KCNMA1: variants seen among roughly 807,000 people sequenced by gnomAD.
KCNMA1 encodes the protein Calcium-activated potassium channel subunit alpha-1.
Under a neutral mutation model 140.0 loss-of-function variants are expected in KCNMA1, and 29 were observed. The observed-to-expected ratio is 0.21, with a 90% confidence interval of 0.15 to 0.28. The LOEUF is 0.28. Among genes scored for constraint, KCNMA1 ranks in the 10% least tolerant of loss-of-function variants. The pLI is 1.00. For synonymous variants in KCNMA1, 612 were observed against 611.9 expected (o/e 1.00, Z 0.00); for missense variants, 880 against 1,602.2 (o/e 0.55, Z 7.70).
intron 2 of KCNMA1, among the ~76,000 whole-genome samples, chr10:77,288,028 A>T (rs1176386591): frequency 3.3e-5 from 5 of 152,256 alleles, no homozygotes; most frequent in Non-Finnish European, 7.3e-5. Context: ...GTTGGCAAAC[A>T]AAAAGCTCTG....
chr10:77,366,726 G>A (rs577661110), intron 2 of KCNMA1, among the ~76,000 whole-genome samples: 1 of 152,302 alleles, frequency 6.6e-6, no homozygotes, highest in Non-Finnish European at 1.5e-5. Flanking sequence ...ACACACACAT[G>A]TTCTTTACAA....
chr10:77,609,050 A>G (rs1009197624), intron 1 of KCNMA1, among the ~76,000 whole-genome samples: 3 of 152,220 alleles, frequency 2.0e-5, no homozygotes, highest in Non-Finnish European at 4.4e-5. Context: ...CCTCAGAAAA[A>G]TCAAAAATAG....
intron 20 of KCNMA1, among the ~76,000 whole-genome samples, chr10:76,964,075 C>G (rs2072865786): frequency 6.6e-6 from 1 of 151,910 alleles, no homozygotes; most frequent in Admixed American, 6.6e-5. Context: ...TGGCTCCTGC[C>G]TTAACACATC....
At chr10:76,935,579 T>A (rs375811815) in intron 23 of KCNMA1, among the ~76,000 whole-genome samples, 1 of 152,110 alleles carries the variant, frequency 6.6e-6, no homozygotes, top group Admixed American at 6.6e-5. Flanking sequence ...TTAAATAAGA[T>A]ATTACATAGG....
chr10:77,616,775 C>A (rs2089681040), intron 1 of KCNMA1, among the ~76,000 whole-genome samples: 1 of 150,992 alleles, frequency 6.6e-6, no homozygotes, highest in African/African-American at 2.4e-5. Context: ...CACTGCACTC[C>A]AGTCTGGGCA....
intron 19 of KCNMA1, among the ~76,000 whole-genome samples, chr10:76,996,446 A>C (rs1593104333): frequency 6.6e-6 from 1 of 152,140 alleles, no homozygotes; most frequent in Admixed American, 6.5e-5. Context: ...ACAGGGGATG[A>C]CCCAGTGGCT....
intron 25 of KCNMA1, chr10:76,902,331 G>A (rs2045837495): frequency 6.6e-6 from 1 of 152,226 alleles, no homozygotes; most frequent in Non-Finnish European, 1.5e-5. Flanking sequence ...TCATGTAGGT[G>A]AGATCCTTTG....
At chr10:76,879,958 T>C (rs1478212390), downstream of KCNMA1, among the ~76,000 whole-genome samples, 1 of 152,138 alleles carries the variant, frequency 6.6e-6, no homozygotes, top group Non-Finnish European at 1.5e-5. Context: ...TTGAGCCTGG[T>C]GTTTGTGCTC....
chr10:77,094,161 T>C (rs1388445925), intron 9 of KCNMA1, among the ~76,000 whole-genome samples: 1 of 152,196 alleles, frequency 6.6e-6, no homozygotes, highest in Admixed American at 6.5e-5. Flanking sequence ...AAGTATTCTG[T>C]GGCCTATGCA....
intron 19 of KCNMA1, among the ~76,000 whole-genome samples, chr10:76,981,304 G>A (rs537830363): frequency 9.9e-4 from 150 of 152,074 alleles, no homozygotes; most frequent in Admixed American, 2.2e-3. Flanking sequence ...CCCCAATGAA[G>A]TGCTCAAGTC....
intron 10 of KCNMA1, among the ~76,000 whole-genome samples, chr10:77,087,746 C>T (rs913667613): frequency 5.9e-5 from 9 of 152,086 alleles, no homozygotes; most frequent in East Asian, 3.9e-4. Flanking sequence ...AAAAGACTGT[C>T]GATAAGGTAC....
At position 76,893,381 on chromosome 10, in the gene KCNMA1, G is replaced by A. The variant is rs79612316; in HGVS notation, c.3148-1662C>T. Among the ~76,000 whole-genome samples, 25 of 152,200 alleles carry A rather than the reference G, an allele frequency of 1.6e-4. No homozygotes were observed. In the East Asian group the frequency reaches 3.3e-3, roughly 20 times the overall value. On this transcript the variant is annotated intron_variant, in intron 25 of 27. Coordinates refer to ENST00000286628, the MANE Select transcript of KCNMA1 (RefSeq NM_001161352.2). The stretch of plus-strand genomic sequence containing the variant: ...TAATCTTCTTTGTTTTCTTGGAGGC[G>A]TGGGGAACTCAGGGCTTTAAAAACC...
intron 2 of KCNMA1, among the ~76,000 whole-genome samples, chr10:77,372,500 C>A (rs1022351000): frequency 1.3e-5 from 2 of 152,192 alleles, no homozygotes; most frequent in African/African-American, 4.8e-5. Flanking sequence ...CAATCTTTTT[C>A]TCTTCCTTTA....
At chr10:76,909,908 G>A (rs1225088314) in intron 25 of KCNMA1, 58 bp downstream of exon 25, 1 of 1,588,038 alleles carries the variant, frequency 6.3e-7, no homozygotes, top group Non-Finnish European at 8.6e-7. Context: ...AAGGTTGGAG[G>A]TGCTCTATTG....
At position 77,350,062 on chromosome 10, in the gene KCNMA1, C is replaced by T. The variant is rs1290844168; in HGVS notation, c.540+53800G>A. Among the ~76,000 whole-genome samples, 2 of 152,068 alleles carry T rather than the reference C, an allele frequency of 1.3e-5. 1 individual carries two copies. Among genetic ancestry groups the T allele is most frequent in the South Asian group, 4.1e-4 (2 of 4,824 alleles). On this transcript the variant is annotated intron_variant, in intron 2 of 27. Coordinates refer to ENST00000286628, the MANE Select transcript of KCNMA1 (RefSeq NM_001161352.2). ...TACAGGCGCCTGCCACCACACCCGGCTAATTTTTGTATTTTTAATAGAGAT... is the reference window on the plus strand; with the variant it reads ...TACAGGCGCCTGCCACCACACCCGGTTAATTTTTGTATTTTTAATAGAGAT...
At chr10:77,418,827 G>C (rs761967929) in intron 1 of KCNMA1, among the ~76,000 whole-genome samples, 1 of 152,156 alleles carries the variant, frequency 6.6e-6, no homozygotes, top group Non-Finnish European at 1.5e-5. Flanking sequence ...CTCAATAATT[G>C]AAATCTCAAA....
At chr10:77,446,976 GCTC>G (rs1186847452) in intron 1 of KCNMA1, among the ~76,000 whole-genome samples, 1 of 152,200 alleles carries the variant, frequency 6.6e-6, no homozygotes. Context: ...TCAAACTCAA[GCTC>G]CTCATCAAGC....
At chr10:77,315,609 T>C (rs2080639320) in intron 2 of KCNMA1, 1 of 152,176 alleles carries the variant, frequency 6.6e-6, no homozygotes. Flanking sequence ...TAATCCAACT[T>C]GCATAATTGT....
At position 77,316,157 on chromosome 10, in the gene KCNMA1, C is replaced by T. The variant is rs141397719; in HGVS notation, c.541-64901G>A. Among the ~76,000 whole-genome samples, 39 of 152,226 alleles carry T rather than the reference C, an allele frequency of 2.6e-4. No individual in the cohort carries two copies. In the East Asian group the frequency reaches 6.6e-3, roughly 26 times the overall value. ...GACTGGACCAAATTTTCCAAGTCCA[C>T]GTGATAGCAGACAGGACTCTCAAAA... On this transcript the variant is annotated intron_variant, in intron 2 of 27. Coordinates refer to ENST00000286628, the MANE Select transcript of KCNMA1 (RefSeq NM_001161352.2).
Sources: allele counts gnomAD v4.1 joint callset (sites outside exome capture counted in the v4.1 genomes callset), GRCh38; gene constraint gnomAD v4.1.1; transcripts MANE v1.5; gene names NCBI Gene and HGNC (gene_info 2026-07-23, HGNC 2026-07-21).